Variants in MAST4 observed in about 807,000 individuals in gnomAD.
The protein encoded by MAST4 is microtubule associated serine/threonine kinase family member 4, also known as microtubule-associated serine/threonine-protein kinase 4.
In MAST4, 89 loss-of-function variants were observed where a neutral mutation model predicts 162.7. The ratio of observed to expected loss-of-function variants is 0.55; its 90% CI spans 0.46 to 0.65. The LOEUF (loss-of-function observed/expected upper bound fraction) is 0.65. MAST4 is among the 30% of genes least tolerant of loss of function. The probability of loss-of-function intolerance (pLI) is 0.00; values close to 1 mark genes in which losing one functional copy is unlikely to be tolerated. For synonymous variants in MAST4, 1,479 were observed against 1,361.1 expected, an observed-to-expected ratio of 1.09 and a Z score of -1.91; for missense variants, 3,153 against 3,374.0, an observed-to-expected ratio of 0.93 and a Z score of 1.62.
At position 67,163,449 on chromosome 5, in the gene MAST4, G is replaced by T; in HGVS notation, c.4270G>T (p.Val1424Phe). 6.2e-7 allele frequency: 1 copy of T among 1,613,368 alleles called. No homozygotes were observed. Among genetic ancestry groups the T allele is most frequent in the Non-Finnish European group, 8.5e-7 (1 of 1,179,872 alleles). Residue 1424 changes from valine to phenylalanine, a missense_variant, in exon 29 of 29, where the codon GTC (valine) becomes TTC (phenylalanine). Val to Phe is a conservative substitution (Grantham distance 50, BLOSUM62 -1). Transcript: ENST00000403625. This position sits in a 1 kb window ranked among gnomAD's most constrained non-coding sequence, Gnocchi z 7.0. The stretch of plus-strand genomic sequence containing the variant: ...CAAGATGCACTCCCCGCCCACCATC[G>T]TCAGACACATCGTGAGGCCCAAGAG... ...PSKMHSPPTI[V>F]RHIVRPKSAE... is the part of the protein sequence containing the mutation.
intron 1 of MAST4, among the ~76,000 whole-genome samples, chr5:66,696,171 G>A (rs1316663421): frequency 1.3e-5 from 2 of 152,074 alleles, no homozygotes; most frequent in Non-Finnish European, 2.9e-5. Context: ...TGGGGATATG[G>A]AGGGGAAAAA....
intron 3 of MAST4, among the ~76,000 whole-genome samples, chr5:66,897,273 C>T (rs1181174968): frequency 6.6e-6 from 1 of 152,130 alleles, no homozygotes; most frequent in Non-Finnish European, 1.5e-5. Context: ...AGACCAATAC[C>T]ACGTCTTATC....
chr5:67,164,802 TG>T lies in MAST4; in HGVS notation c.5625del (p.Trp1875CysfsTer64). 1 of 1,613,902 alleles carries T rather than the reference TG, an allele frequency of 6.2e-7. No individual in the cohort carries two copies. The highest frequency in any genetic ancestry group is 2.2e-5 in the East Asian group (1 of 44,876). On this transcript the variant is annotated frameshift_variant, in exon 29 of 29. Coordinates refer to ENST00000403625, the MANE Select transcript of MAST4 (RefSeq NM_001164664.2). LOFTEE classifies it low-confidence loss of function (END_TRUNC). The surrounding 1 kb of genome is among the most constrained non-coding windows in gnomAD (Gnocchi z 5.3). ...KMNKSYLLEP[W>X]FLPPSRGLQN... The stretch of plus-strand genomic sequence containing the variant: ...GAATAAATCCTACCTGCTGGAGCCT[TG>T]GTTCCTGCCCCCCAGCCGAGGTCTC...
intron 3 of MAST4, among the ~76,000 whole-genome samples, chr5:66,842,370 T>C (rs1758488832): frequency 6.6e-6 from 1 of 152,152 alleles, no homozygotes; most frequent in Non-Finnish European, 1.5e-5. Context: ...CAAACACCTT[T>C]TTACCTTTCT....
intron 3 of MAST4, among the ~76,000 whole-genome samples, chr5:66,826,441 G>A (rs1180455844): frequency 6.6e-6 from 1 of 152,090 alleles, no homozygotes; most frequent in Non-Finnish European, 1.5e-5. Flanking sequence ...CACGTCAGCT[G>A]ACATTTTGAC....
chr5:67,163,054 A>T lies in MAST4; in HGVS notation c.3968-93A>T, dbSNP rs538642324. On this transcript the variant is annotated intron_variant, in intron 28 of 28. Coordinates refer to ENST00000403625, the MANE Select transcript of MAST4 (RefSeq NM_001164664.2). This position sits in a 1 kb window ranked among gnomAD's most constrained non-coding sequence, Gnocchi z 7.0. The stretch of plus-strand genomic sequence containing the variant: ...AATGCTGAGACAATTTGCTGATCTT[A>T]CCTGGCCTTACCTAATACAGTCTGG... 13 of 1,378,140 alleles carry T rather than the reference A, an allele frequency of 9.4e-6. No individual in the cohort carries two copies. The East Asian group carries it at 2.8e-4, about 29-fold the overall frequency. 85.4% of individuals were successfully genotyped at this position (1,378,140 alleles called of 1,614,324 possible).
At chr5:66,948,191 G>T (rs912203189) in intron 4 of MAST4, among the ~76,000 whole-genome samples, 2 of 152,132 alleles carry the variant, frequency 1.3e-5, no homozygotes, top group African/African-American at 4.8e-5. Flanking sequence ...AAGGCAAGAC[G>T]AGAACCCGTG....
intron 5 of MAST4, among the ~76,000 whole-genome samples, chr5:67,060,637 C>G (rs1168888218): frequency 6.6e-6 from 1 of 152,028 alleles, no homozygotes; most frequent in Non-Finnish European, 1.5e-5. Flanking sequence ...GCCACCACGC[C>G]TGGCTAATTT....
chr5:67,004,254 C>T (rs976995751), intron 4 of MAST4, among the ~76,000 whole-genome samples: 2 of 151,606 alleles, frequency 1.3e-5, no homozygotes, highest in Non-Finnish European at 2.9e-5. Flanking sequence ...CAGGCGCGGC[C>T]GGGGCTGGTG....
At chr5:66,706,856 C>T (rs960270356) in intron 1 of MAST4, among the ~76,000 whole-genome samples, 1 of 152,048 alleles carries the variant, frequency 6.6e-6, no homozygotes, top group African/African-American at 2.4e-5. Flanking sequence ...GCTTTTAGGC[C>T]TCATTAGAAT....
intron 7 of MAST4, among the ~76,000 whole-genome samples, chr5:67,096,280 A>G (rs1764460722): frequency 6.6e-6 from 1 of 152,234 alleles, no homozygotes; most frequent in South Asian, 2.1e-4. Flanking sequence ...TTTCAACAAG[A>G]GACCTAGCAA....
At chr5:66,931,981 T>C (rs1320074782) in intron 4 of MAST4, among the ~76,000 whole-genome samples, 3 of 152,200 alleles carry the variant, frequency 2.0e-5, no homozygotes, top group African/African-American at 7.2e-5. Flanking sequence ...GGAGGAATGG[T>C]ATGAAGTATA....
intron 4 of MAST4, among the ~76,000 whole-genome samples, chr5:67,006,492 A>G (rs1752051774): frequency 6.6e-6 from 1 of 152,186 alleles, no homozygotes; most frequent in Admixed American, 6.5e-5. Context: ...ACATGGTGAT[A>G]ATTCGTATGA....
intron 1 of MAST4, among the ~76,000 whole-genome samples, chr5:66,747,476 A>G (rs1017561514): frequency 6.6e-6 from 1 of 152,224 alleles, no homozygotes; most frequent in Non-Finnish European, 1.5e-5. Context: ...AAATATGGAC[A>G]TTCATTGAGA....
chr5:66,976,986 T>C (rs1465547550), intron 4 of MAST4, among the ~76,000 whole-genome samples: 1 of 152,072 alleles, frequency 6.6e-6, no homozygotes, highest in Non-Finnish European at 1.5e-5. Context: ...ATGTAGAGAG[T>C]GGCAGGCCAA....
chr5:66,615,849 G>C (rs970189556), intron 1 of MAST4, among the ~76,000 whole-genome samples: 1 of 152,162 alleles, frequency 6.6e-6, no homozygotes, highest in Admixed American at 6.5e-5. Flanking sequence ...GACTGAAAAG[G>C]ATCTCTTATC....
chr5:66,835,036 A>G (rs1757867360), intron 3 of MAST4, among the ~76,000 whole-genome samples: 1 of 152,144 alleles, frequency 6.6e-6, no homozygotes, highest in Non-Finnish European at 1.5e-5. Flanking sequence ...CCGGAATGCA[A>G]TGCACCTACA....
At chr5:66,788,605 C>CCCCCGG in intron 2 of MAST4, 65 bp from the exon 3 acceptor site, 1 of 1,344,528 alleles carries the variant, frequency 7.4e-7, no homozygotes, top group Non-Finnish European at 1.0e-6. Context: ...CACCCCCACC[C>CCCCCGG]CCATTGCAAT....
intron 1 of MAST4, among the ~76,000 whole-genome samples, chr5:66,635,392 G>A (rs1282653881): frequency 2.6e-5 from 4 of 152,150 alleles, no homozygotes; most frequent in African/African-American, 4.8e-5. Flanking sequence ...TACTTGGCTC[G>A]TCACGCTAAT....
Sources: gnomAD v4.1 joint callset for allele counts (sites outside exome capture counted in the v4.1 genomes callset) on GRCh38, gnomAD v4.1.1 for gene constraint, Gnocchi (gnomAD v3.1) non-coding constraint, MANE v1.5 for transcripts, NCBI Gene and HGNC (gene_info 2026-07-23, HGNC 2026-07-21) for gene names.